The following ASTN2 variants were observed in gnomAD, a reference collection of about 807,000 sequenced individuals.
ASTN2 encodes astrotactin-2.
A neutral mutation model predicts 139.8 loss-of-function variants in ASTN2; 54 were observed. That is an observed-to-expected ratio of 0.39 (90% CI 0.31 to 0.48). The LOEUF is 0.48. ASTN2 is among the 20% of genes least tolerant of loss of function. The pLI is 0.95. For synonymous variants in ASTN2, 756 were observed against 719.5 expected, an observed-to-expected ratio of 1.05 and a Z score of -0.81; for missense variants, 1,565 against 1,725.1, an observed-to-expected ratio of 0.91 and a Z score of 1.64.
chr9:117,036,574 T>C (rs1173046495), intron 6 of ASTN2, among the ~76,000 whole-genome samples: 1 of 152,106 alleles, frequency 6.6e-6, no homozygotes, highest in African/African-American at 2.4e-5. Flanking sequence ...CTTATACACA[T>C]TGGGAAGGAA....
intron 2 of ASTN2, among the ~76,000 whole-genome samples, chr9:117,283,096 G>C (rs1322706672): frequency 6.6e-6 from 1 of 152,090 alleles, no homozygotes; most frequent in African/African-American, 2.4e-5. Context: ...ACTCAGAGAG[G>C]TGAGATGACT....
intron 16 of ASTN2, among the ~76,000 whole-genome samples, chr9:116,653,392 T>C (rs143243014): frequency 6.6e-6 from 1 of 152,352 alleles, no homozygotes; most frequent in Non-Finnish European, 1.5e-5. Flanking sequence ...GCTGGCCTTC[T>C]ATACAAGATT....
intron 17 of ASTN2, among the ~76,000 whole-genome samples, chr9:116,637,990 G>A (rs1022074183): frequency 1.3e-5 from 2 of 152,150 alleles, no homozygotes; most frequent in African/African-American, 4.8e-5. Context: ...TGGTGGAACA[G>A]GATGCTTAGT....
intron 3 of ASTN2, among the ~76,000 whole-genome samples, chr9:117,200,091 A>G (rs983059550): frequency 1.3e-5 from 2 of 150,984 alleles, no homozygotes; most frequent in East Asian, 1.9e-4. Context: ...AAATTTTATT[A>G]TTATTATACT....
chr9:117,090,283 C>T (rs905436108), intron 5 of ASTN2, among the ~76,000 whole-genome samples: 6 of 152,144 alleles, frequency 3.9e-5, no homozygotes, highest in African/African-American at 1.4e-4. Context: ...ATGTTGCTGG[C>T]CCCTTATTTA....
At chr9:117,033,884 A>C (rs1838314366) in intron 6 of ASTN2, among the ~76,000 whole-genome samples, 1 of 152,146 alleles carries the variant, frequency 6.6e-6, no homozygotes, top group African/African-American at 2.4e-5. Context: ...CCCTGTGTAA[A>C]GTGCTTTGTG....
intron 1 of ASTN2, among the ~76,000 whole-genome samples, chr9:117,407,251 A>G (rs1357240648): frequency 6.6e-6 from 1 of 152,218 alleles, no homozygotes; most frequent in African/African-American, 2.4e-5. Context: ...GTACTACTAC[A>G]ATAGGGAGAG....
intron 7 of ASTN2, among the ~76,000 whole-genome samples, chr9:116,978,495 G>GCACACACA (rs5900243): frequency 4.9e-4 from 62 of 127,720 alleles, no homozygotes; most frequent in African/African-American, 1.7e-3. Flanking sequence ...TCTCTCTCAC[G>GCACACACA]CACACACACA....
At chr9:116,510,578 C>A (rs1349081649) in intron 19 of ASTN2, among the ~76,000 whole-genome samples, 3 of 152,140 alleles carry the variant, frequency 2.0e-5, no homozygotes, top group Non-Finnish European at 4.4e-5. Context: ...ATTGAATCTA[C>A]AAGTTACCTT....
At chr9:116,914,814 C>A (rs1433894243) in intron 10 of ASTN2, among the ~76,000 whole-genome samples, 1 of 152,104 alleles carries the variant, frequency 6.6e-6, no homozygotes, top group Non-Finnish European at 1.5e-5. Context: ...CTAATTTAAT[C>A]CCTCCCACTG....
chr9:116,479,200 G>A (rs1564305598), intron 20 of ASTN2, among the ~76,000 whole-genome samples: 1 of 152,108 alleles, frequency 6.6e-6, no homozygotes, highest in Admixed American at 6.5e-5. Flanking sequence ...ATCTGGACAA[G>A]CACTTTTGAA....
At chr9:117,267,887 G>A (rs1414181) in intron 2 of ASTN2, among the ~76,000 whole-genome samples, 76,769 of 152,130 alleles carry the variant, frequency 0.5, 22,137 homozygotes, top group Admixed American at 0.66. Flanking sequence ...CTGAGAAACT[G>A]AAGTCCTGCT....
intron 1 of ASTN2, among the ~76,000 whole-genome samples, chr9:117,342,167 C>G (rs184857890): frequency 1.3e-4 from 20 of 152,180 alleles, no homozygotes; most frequent in South Asian, 8.3e-4. Context: ...CTCAGGTCCC[C>G]GAACAAAGGC....
intron 10 of ASTN2, among the ~76,000 whole-genome samples, chr9:116,881,191 T>C (rs1833442699): frequency 6.6e-6 from 1 of 152,176 alleles, no homozygotes; most frequent in Admixed American, 6.5e-5. Context: ...ATTATTAAAG[T>C]GTGGGATGGG....
intron 20 of ASTN2, among the ~76,000 whole-genome samples, chr9:116,468,170 AT>A (rs1848707738): frequency 6.6e-6 from 1 of 152,214 alleles, no homozygotes; most frequent in South Asian, 2.1e-4. Context: ...ACCACAACTC[AT>A]TCTTCTTTCA....
At chr9:117,043,973 T>TCA (rs1010140864) in intron 5 of ASTN2, among the ~76,000 whole-genome samples, 2 of 151,522 alleles carry the variant, frequency 1.3e-5, no homozygotes, top group African/African-American at 4.9e-5. Flanking sequence ...GGAAGTGAAT[T>TCA]CACATTAGTT....
chr9:117,000,544 C>A (rs999816190), intron 7 of ASTN2, among the ~76,000 whole-genome samples: 2 of 152,226 alleles, frequency 1.3e-5, no homozygotes, highest in African/African-American at 4.8e-5. Flanking sequence ...CATTGATATT[C>A]TTGAGAGTCA....
chr9:116,567,605 C>A (rs1321536531), intron 19 of ASTN2, among the ~76,000 whole-genome samples: 1 of 152,086 alleles, frequency 6.6e-6, no homozygotes, highest in African/African-American at 2.4e-5. Context: ...ACCCTTCTGG[C>A]TGTAGCATGG....
intron 6 of ASTN2, among the ~76,000 whole-genome samples, chr9:117,013,110 G>A (rs1034565002): frequency 6.6e-6 from 1 of 151,832 alleles, no homozygotes; most frequent in African/African-American, 2.4e-5. Flanking sequence ...TACAATCACT[G>A]CCATGCTTAG....
Sources: gnomAD v4.1 joint callset for allele counts (sites outside exome capture counted in the v4.1 genomes callset) on GRCh38, gnomAD v4.1.1 for gene constraint, MANE v1.5 for transcripts, NCBI Gene and HGNC (gene_info 2026-07-23, HGNC 2026-07-21) for gene names.